The following SLC40A1 variants were observed in gnomAD, a reference collection of about 807,000 sequenced individuals.
The protein encoded by SLC40A1 is ferroportin.
Under a neutral mutation model 53.5 loss-of-function variants are expected in SLC40A1, and 16 were observed. The ratio of observed to expected loss-of-function variants is 0.30; its 90% CI spans 0.20 to 0.45. SLC40A1 has a LOEUF of 0.45. Ranked by LOEUF, SLC40A1 falls within the 20% of genes least tolerant of loss-of-function variation. The pLI is 1.00. For missense variants in SLC40A1, 545 were observed against 695.4 expected, an observed-to-expected ratio of 0.78 and a Z score of 2.43; for synonymous variants, 247 against 253.2, an observed-to-expected ratio of 0.98 and a Z score of 0.23.
At chr2:189,567,463 T>C (rs2030973797) in intron 5 of SLC40A1, among the ~76,000 whole-genome samples, 1 of 152,154 alleles carries the variant, frequency 6.6e-6, no homozygotes, top group South Asian at 2.1e-4. Flanking sequence ...TACTCCATAA[T>C]AAGCACAATT....
chr2:189,570,032 G>GTA (rs771769161), intron 5 of SLC40A1, among the ~76,000 whole-genome samples: 8 of 138,174 alleles, frequency 5.8e-5, no homozygotes, highest in African/African-American at 2.2e-4. Flanking sequence ...ATATATGTAT[G>GTA]TATATATATA....
At chr2:189,574,312 T>G in intron 3 of SLC40A1, among the ~76,000 whole-genome samples, 1 of 152,222 alleles carries the variant, frequency 6.6e-6, no homozygotes, top group East Asian at 1.9e-4. Flanking sequence ...TTTCTCTATA[T>G]GTGTTCTGGT....
At chr2:189,568,028 C>T (rs1253049971) in intron 5 of SLC40A1, among the ~76,000 whole-genome samples, 1 of 152,004 alleles carries the variant, frequency 6.6e-6, no homozygotes, top group Non-Finnish European at 1.5e-5. Context: ...TATTTCTTAC[C>T]CTTTCACTAC....
intron 5 of SLC40A1, among the ~76,000 whole-genome samples, chr2:189,567,845 C>T (rs1189668063): frequency 6.6e-6 from 1 of 152,222 alleles, no homozygotes; most frequent in African/African-American, 2.4e-5. Context: ...AGAGGTTTCA[C>T]TACCATCTGC....
At chr2:189,568,123 G>A (rs1393034603) in intron 5 of SLC40A1, among the ~76,000 whole-genome samples, 2 of 151,544 alleles carry the variant, frequency 1.3e-5, no homozygotes, top group East Asian at 3.9e-4. Context: ...TAATATGTAG[G>A]TGTCAGTAGA....
At chr2:189,577,589 T>G (rs1039182929) in intron 2 of SLC40A1, among the ~76,000 whole-genome samples, 6 of 151,368 alleles carry the variant, frequency 4.0e-5, no homozygotes, top group African/African-American at 1.5e-4. Flanking sequence ...TAAATTGTAT[T>G]ATAAGCTCCT....
At chr2:189,577,252 C>T (rs138255600) in intron 2 of SLC40A1, among the ~76,000 whole-genome samples, 267 of 152,266 alleles carry the variant, frequency 1.8e-3, no homozygotes, top group Admixed American at 2.9e-3. Flanking sequence ...ACTATGTACC[C>T]GACATTTGCA....
chr2:189,571,506 G>A (rs2031124137), intron 5 of SLC40A1, among the ~76,000 whole-genome samples: 1 of 151,382 alleles, frequency 6.6e-6, no homozygotes, highest in African/African-American at 2.4e-5. Context: ...GGATAAAAGA[G>A]AAGTTAGCTA....
At chr2:189,570,448 CAA>C (rs1341585369) in intron 5 of SLC40A1, among the ~76,000 whole-genome samples, 1 of 152,012 alleles carries the variant, frequency 6.6e-6, no homozygotes, top group Admixed American at 6.6e-5. Context: ...CAAAAAAAGA[CAA>C]AGCCTTATCA....
chr2:189,568,950 G>T (rs1006659885), intron 5 of SLC40A1, among the ~76,000 whole-genome samples: 2 of 152,220 alleles, frequency 1.3e-5, no homozygotes, highest in African/African-American at 4.8e-5. Flanking sequence ...GGAAAAGGAA[G>T]TAAGATTCAA....
chr2:189,563,436 T>A (rs2030820181), intron 7 of SLC40A1, 148 bp downstream of exon 7: 1 of 631,378 alleles, frequency 1.6e-6, no homozygotes, highest in African/African-American at 1.8e-5. Flanking sequence ...ATATAAAGTA[T>A]AAATATGTAA....
chr2:189,565,688 AG>A, intron 5 of SLC40A1, 89 bp from the exon 6 acceptor site: 1 of 1,537,630 alleles, frequency 6.5e-7, no homozygotes, highest in South Asian at 1.1e-5. Flanking sequence ...GTAAACCAAG[AG>A]TATAGATTCC....
Position 189,561,882 on chromosome 2 carries a change from A to C in SLC40A1, c.1712T>G (p.Val571Gly). 6.2e-7 allele frequency: 1 copy of C among 1,612,568 alleles called. No homozygotes were observed. Among genetic ancestry groups the C allele is most frequent in the Non-Finnish European group, 8.5e-7 (1 of 1,178,538 alleles). Residue 571 changes from valine to glycine, a missense_variant, in exon 8 of 8, where the codon GTT becomes GGT. Physicochemically the swap from Val to Gly is moderately radical, Grantham distance 109 (BLOSUM62 -3). This residue lies in a region of SLC40A1 where 234 missense variants were observed against 299.0 expected (regional missense o/e 0.78). Coordinates refer to ENST00000261024, the MANE Select transcript of SLC40A1 (RefSeq NM_014585.6). ...RKENQANTSVV is the reference protein window; with the variant it reads ...RKENQANTSVG ...GATAGCAACAGTTAAACTGTCTCAAACAACAGATGTATTTGCTTGATTTTC... is the reference window on the plus strand; with the variant it reads ...GATAGCAACAGTTAAACTGTCTCAACCAACAGATGTATTTGCTTGATTTTC...
intron 6 of SLC40A1, among the ~76,000 whole-genome samples, chr2:189,564,512 A>C (rs941706159): frequency 6.6e-6 from 1 of 151,744 alleles, no homozygotes; most frequent in African/African-American, 2.4e-5. Context: ...CAGCAGGAAA[A>C]CTCACCAGAT....
In SLC40A1 at chr2:189,564,062, A is replaced by C; in HGVS notation, c.924T>G (p.Phe308Leu). 1 of 1,612,412 alleles carries C rather than the reference A, an allele frequency of 6.2e-7. No individual in the cohort carries two copies. Among genetic ancestry groups the C allele is most frequent in the East Asian group, 2.2e-5 (1 of 44,850 alleles). ...GGAAAGCAAGACCCATGCCAGCCAG[A>C]AACACAGGCTGGTTGTAGTAGGAGA... ...GWVSYYNQPV[F>L]LAGMGLAFLY... is the part of the protein sequence containing the mutation. The change falls in exon 7 of 8, where the codon TTT becomes TTG. Residue 308 changes from phenylalanine (F) to leucine (L), a missense_variant. By Grantham distance (22) the Phe-to-Leu change is conservative. Transcript: ENST00000261024.
In SLC40A1 at chr2:189,580,769, T is replaced by TCCGCCG. The variant is rs3833570; in HGVS notation, c.-315_-310dup. Reference sequence around the variant, plus strand: ...TAGCGGACGCCCTGAGCCAGCTCTCTCCGCCGCCGCCGCCGCCGCCGTGGG... The same window carrying TCCGCCG: ...TAGCGGACGCCCTGAGCCAGCTCTCTCCGCCGCCGCCGCCGCCGCCGCCGCCGTGGG... On this transcript the variant is annotated 5_prime_UTR_variant, in exon 1 of 8. Transcript: ENST00000261024. The TCCGCCG allele has an allele frequency of 0.015, 17,808 of 1,208,564 alleles. 534 individuals carry two copies. Among genetic ancestry groups the TCCGCCG allele is most frequent in the African/African-American group, 0.11 (7,397 of 64,434 alleles). The allele number at this position is 1,208,564 out of a possible 1,614,324, so 74.9% of individuals were successfully genotyped here. A position where few individuals can be genotyped will look rare whatever the true frequency, so the allele number is the denominator to read the frequency against.
intron 7 of SLC40A1, among the ~76,000 whole-genome samples, chr2:189,562,846 T>C (rs188591759): frequency 6.6e-6 from 1 of 152,272 alleles, no homozygotes; most frequent in African/African-American, 2.4e-5. Flanking sequence ...ACATATTTGC[T>C]AGAGAAGACC....
intron 7 of SLC40A1, 33 bp downstream of exon 7, chr2:189,563,551 T>C (rs1178777617): frequency 6.3e-7 from 1 of 1,590,784 alleles, no homozygotes; most frequent in Admixed American, 1.7e-5. Context: ...AAAGACACTT[T>C]AGTTCATTAA....
rs1445934945 is a variant in SLC40A1 at position 189,567,286 on chromosome 2, T to C, written c.515-1687A>G. Among the ~76,000 whole-genome samples the C allele has an allele frequency of 5.3e-5, 8 of 152,152 alleles. No individual in the cohort carries two copies. The East Asian group carries it at 1.5e-3, about 29-fold the overall frequency. Reference sequence around the variant, plus strand: ...GAGATTATGGGAGGAGAGAATTTAGTGGTGATAACAAAGTCTAGAGTTTGA... The same window carrying C: ...GAGATTATGGGAGGAGAGAATTTAGCGGTGATAACAAAGTCTAGAGTTTGA... On this transcript the variant is annotated intron_variant, in intron 5 of 7. Transcript: ENST00000261024.
Sources: allele counts gnomAD v4.1 joint callset (sites outside exome capture counted in the v4.1 genomes callset), GRCh38; gene constraint gnomAD v4.1.1; regional missense constraint gnomAD v4.1.1; transcripts MANE v1.5; gene names NCBI Gene and HGNC (gene_info 2026-07-23, HGNC 2026-07-21).